REEP1: variants seen among roughly 807,000 people sequenced by gnomAD.
The protein encoded by REEP1 is receptor accessory protein 1.
Under a neutral mutation model 40.3 loss-of-function variants are expected in REEP1, and 22 were observed. The ratio of observed to expected loss-of-function variants is 0.55; its 90% CI spans 0.39 to 0.78. REEP1 has a LOEUF of 0.78. Among genes scored for constraint, REEP1 ranks in the 30% least tolerant of loss-of-function variants. The pLI is 0.00. For missense variants in REEP1, 280 were observed against 361.1 expected (o/e 0.78, Z 1.82); for synonymous variants, 116 against 139.2 (o/e 0.83, Z 1.17).
At chr2:86,281,812 T>C (rs1022201822) in intron 2 of REEP1, among the ~76,000 whole-genome samples, 1 of 152,210 alleles carries the variant, frequency 6.6e-6, no homozygotes, top group Non-Finnish European at 1.5e-5. Flanking sequence ...CCTGCGATGC[T>C]GGACTTTTTC....
chr2:86,276,046 G>A (rs554505260), intron 2 of REEP1, among the ~76,000 whole-genome samples: 12 of 152,148 alleles, frequency 7.9e-5, no homozygotes, highest in East Asian at 1.9e-4. Context: ...TGTGGATGTC[G>A]GCCAGCCTCC....
intron 1 of REEP1, among the ~76,000 whole-genome samples, chr2:86,302,907 T>C (rs138123037): frequency 1.8e-4 from 27 of 152,326 alleles, no homozygotes; most frequent in African/African-American, 6.5e-4. Flanking sequence ...GACAGATCCT[T>C]TGTACTGTCA....
intron 1 of REEP1, among the ~76,000 whole-genome samples, chr2:86,294,527 T>C (rs1470597748): frequency 6.6e-6 from 1 of 152,182 alleles, no homozygotes; most frequent in African/African-American, 2.4e-5. Flanking sequence ...ACAATGCTAT[T>C]TTGTAAAATT....
intron 2 of REEP1, among the ~76,000 whole-genome samples, chr2:86,272,847 T>G (rs6760209): frequency 0.87 from 132,759 of 152,226 alleles, 58,335 homozygotes; most frequent in East Asian, 0.96. Context: ...TTAAGGCCAG[T>G]CATGGTGGCT....
chr2:86,304,171 C>T (rs530225508), intron 1 of REEP1, among the ~76,000 whole-genome samples: 3 of 152,172 alleles, frequency 2.0e-5, no homozygotes, highest in Non-Finnish European at 4.4e-5. Context: ...AAGAGCCATT[C>T]GCACAGGTGC....
At chr2:86,295,665 G>A (rs1472215142) in intron 1 of REEP1, among the ~76,000 whole-genome samples, 2 of 152,126 alleles carry the variant, frequency 1.3e-5, no homozygotes, top group Middle Eastern at 6.8e-3. Flanking sequence ...TCAGCCTCCC[G>A]AGTAGCTGGG....
At chr2:86,332,496 C>T (rs1023282863) in intron 1 of REEP1, among the ~76,000 whole-genome samples, 32 of 151,478 alleles carry the variant, frequency 2.1e-4, no homozygotes, top group Non-Finnish European at 1.9e-4. Flanking sequence ...TACACTCATA[C>T]GTACACAAAA....
At position 86,282,265 on chromosome 2, in the gene REEP1, T is replaced by G. The variant is rs1863059; in HGVS notation, c.33-23A>C. 772,556 of 1,528,540 alleles carry G rather than the reference T, an allele frequency of 0.51. 197,576 individuals are homozygous for G. Among genetic ancestry groups the G allele is most frequent in the East Asian group, 0.67 (29,849 of 44,426 alleles). The allele number at this position is 1,528,540 out of a possible 1,614,324, so 94.7% of individuals were successfully genotyped here. On this transcript the variant is annotated intron_variant, in intron 1 of 8. Transcript: ENST00000538924. ...AGCCTGGAGGGAAGAGAGACAAAAA[T>G]AAATACGATTTTTCATTTATCTTAT...
At chr2:86,275,970 A>T (rs1347373092) in intron 2 of REEP1, among the ~76,000 whole-genome samples, 3 of 152,208 alleles carry the variant, frequency 2.0e-5, no homozygotes, top group African/African-American at 7.2e-5. Context: ...CCCAACGCTT[A>T]TGCTCACCAA....
At chr2:86,236,716 T>C (rs72938382) in intron 5 of REEP1, among the ~76,000 whole-genome samples, 6,493 of 150,876 alleles carry the variant, frequency 0.043, 479 homozygotes, top group African/African-American at 0.15. Flanking sequence ...ACTCCTAGAC[T>C]TCTTGAAAAT....
intron 1 of REEP1, among the ~76,000 whole-genome samples, chr2:86,289,626 G>A (rs1049563392): frequency 1.3e-5 from 2 of 152,134 alleles, no homozygotes; most frequent in African/African-American, 4.8e-5. Flanking sequence ...AAATTTACTA[G>A]AAGAATCACC....
chr2:86,314,635 C>T (rs1459636006), intron 1 of REEP1, among the ~76,000 whole-genome samples: 1 of 151,784 alleles, frequency 6.6e-6, no homozygotes, highest in African/African-American at 2.4e-5. Flanking sequence ...GCACTCCTCA[C>T]CTCCTCTTCT....
At chr2:86,220,750 C>A (rs1674373789) in intron 7 of REEP1, among the ~76,000 whole-genome samples, 1 of 150,834 alleles carries the variant, frequency 6.6e-6, no homozygotes. Context: ...AGCAGAGAAA[C>A]CTAAGGAAGG....
chr2:86,247,529 T>C (rs535694307), intron 5 of REEP1, among the ~76,000 whole-genome samples: 2 of 151,414 alleles, frequency 1.3e-5, no homozygotes, highest in Admixed American at 6.6e-5. Flanking sequence ...AAAGACCTTA[T>C]ATAAACAAAA....
At chr2:86,275,980 A>G (rs1023135207) in intron 2 of REEP1, among the ~76,000 whole-genome samples, 4 of 152,178 alleles carry the variant, frequency 2.6e-5, no homozygotes, top group African/African-American at 9.7e-5. Context: ...ATGCTCACCA[A>G]CAGGTCCCAC....
At chr2:86,326,160 C>T (rs890669339) in intron 1 of REEP1, among the ~76,000 whole-genome samples, 3 of 152,186 alleles carry the variant, frequency 2.0e-5, no homozygotes, top group Non-Finnish European at 4.4e-5. Flanking sequence ...ATTCAAGTCC[C>T]AGTTTCCCAG....
intron 1 of REEP1, among the ~76,000 whole-genome samples, chr2:86,313,232 C>G (rs1343152539): frequency 6.6e-6 from 1 of 152,024 alleles, no homozygotes; most frequent in African/African-American, 2.4e-5. Context: ...GCCTCAGGCT[C>G]CCTACACCCT....
At chr2:86,246,993 G>A (rs140076222) in intron 5 of REEP1, among the ~76,000 whole-genome samples, 59 of 152,178 alleles carry the variant, frequency 3.9e-4, no homozygotes, top group African/African-American at 1.3e-3. Context: ...GAGCCACCAC[G>A]GCCAGCCTAT....
chr2:86,324,524 C>T (rs1680414155), intron 1 of REEP1, among the ~76,000 whole-genome samples: 1 of 152,100 alleles, frequency 6.6e-6, no homozygotes, highest in Non-Finnish European at 1.5e-5. Context: ...CAAATGGAAT[C>T]GCACCCACTG....
Sources: allele counts gnomAD v4.1 joint callset (sites outside exome capture counted in the v4.1 genomes callset), GRCh38; gene constraint gnomAD v4.1.1; transcripts MANE v1.5; gene names NCBI Gene and HGNC (gene_info 2026-07-23, HGNC 2026-07-21).